MAX: variants seen among roughly 807,000 people sequenced by gnomAD.
MAX encodes the protein protein max.
In MAX, 3 loss-of-function variants were observed where a neutral mutation model predicts 22.3. That is an observed-to-expected ratio of 0.13 (90% confidence interval 0.06 to 0.35). The LOEUF (loss-of-function observed/expected upper bound fraction) is 0.35, where lower values mean the gene tolerates loss of function less well. Ranked by LOEUF, MAX falls within the 10% of genes least tolerant of loss-of-function variation. The pLI is 1.00. For synonymous variants in MAX, 72 were observed against 77.7 expected, an observed-to-expected ratio of 0.93 and a Z score of 0.39; for missense variants, 119 against 209.4, an observed-to-expected ratio of 0.57 and a Z score of 2.66.
rs1566591843 is a variant in MAX, at chr14:65,069,980, G to T, written c.171+23728C>A. Among the ~76,000 whole-genome samples the T allele has an allele frequency of 6.6e-6, 1 of 152,198 alleles. No individual in the cohort carries two copies. The highest frequency in any genetic ancestry group is 1.5e-5 in the Non-Finnish European group (1 of 68,032). On this transcript the variant is annotated intron_variant, in intron 3 of 3. Coordinates refer to the MAX transcript ENST00000341653. This position sits in a 1 kb window ranked among gnomAD's most constrained non-coding sequence, Gnocchi z 4.6. ...TGTTGGCCACTGTCCTTTAGCCCAA[G>T]ATCTGCCCCTGCCACCCCAGAGCTG...
At position 65,075,971 on chromosome 14, in the gene MAX, A is replaced by C. The variant is rs1056683944; in HGVS notation, c.*505T>G. The stretch of plus-strand genomic sequence containing the variant: ...GCTTTTTAGAAAAAGGAAAAAAAAA[A>C]AACCCTTAAAAAGGAGGAGGGTTCA... On this transcript the variant is annotated 3_prime_UTR_variant, in exon 5 of 5. Transcript: ENST00000358664. This position sits in a 1 kb window ranked among gnomAD's most constrained non-coding sequence, Gnocchi z 4.1. 1.9e-6 allele frequency: 2 copies of C among 1,076,738 alleles called. No homozygotes were observed. Among genetic ancestry groups the C allele is most frequent in the African/African-American group, 3.3e-5 (2 of 61,262 alleles). The allele number at this position is 1,076,738 out of a possible 1,614,324, so 66.7% of individuals were successfully genotyped here. A position where few individuals can be genotyped will look rare whatever the true frequency, so the allele number is the denominator to read the frequency against.
chr14:65,040,259 G>A (rs1024798472), intron 3 of MAX, among the ~76,000 whole-genome samples: 2 of 144,988 alleles, frequency 1.4e-5, no homozygotes, highest in Admixed American at 6.9e-5. Context: ...ATATATATAT[G>A]TATATATATG....
At chr14:65,075,062 C>G (rs2063024819), downstream of MAX, 1 of 1,010,616 alleles carries the variant, frequency 9.9e-7, no homozygotes, top group Non-Finnish European at 1.2e-6. The surrounding 1 kb of genome is among the most constrained non-coding windows in gnomAD (Gnocchi z 4.1). Flanking sequence ...GCCCTAACAG[C>G]TTCCAGAGGG....
chr14:65,075,045 C>T (rs2063024612), downstream of MAX: 1 of 1,008,880 alleles, frequency 9.9e-7, no homozygotes, highest in Admixed American at 6.0e-5. This position sits in a 1 kb window ranked among gnomAD's most constrained non-coding sequence, Gnocchi z 4.1. Flanking sequence ...CTCAGACTTA[C>T]ATTGAGGCCC....
Position 65,062,717 on chromosome 14 carries a change from T to C in MAX, c.171+30991A>G, listed in dbSNP as rs888143090. ...AATGGTAGGAGCTACTAAAGGTTGC[T>C]CAGGGATCGTCAGTCTCCTGTGTGC... On this transcript the variant is annotated intron_variant, in intron 3 of 3. Coordinates refer to the MAX transcript ENST00000341653. The surrounding 1 kb of genome is among the most constrained non-coding windows in gnomAD (Gnocchi z 4.3). The C allele has an allele frequency of 1.3e-5, 2 of 152,690 alleles. No homozygotes were observed. Among genetic ancestry groups the C allele is most frequent in the African/African-American group, 4.8e-5 (2 of 41,460 alleles). The allele number at this position is 152,690 out of a possible 1,614,324, so 9.5% of individuals were successfully genotyped here. A position where few individuals can be genotyped will look rare whatever the true frequency, so the allele number is the denominator to read the frequency against.
intron 3 of MAX, among the ~76,000 whole-genome samples, chr14:65,006,463 C>T (rs187862645): frequency 2.6e-5 from 4 of 152,182 alleles, no homozygotes; most frequent in Non-Finnish European, 5.9e-5. Flanking sequence ...CTTGGGAGAA[C>T]GAGCTCTCTT....
Position 65,076,124 on chromosome 14 carries a change from A to G in MAX, c.*352T>C. The G allele has an allele frequency of 7.7e-7, 1 of 1,295,948 alleles. No individual in the cohort carries two copies. Among genetic ancestry groups the G allele is most frequent in the Non-Finnish European group, 9.8e-7 (1 of 1,020,240 alleles). 80.3% of individuals were successfully genotyped at this position (1,295,948 alleles called of 1,614,324 possible). A position where few individuals can be genotyped will look rare whatever the true frequency, so the allele number is the denominator to read the frequency against. Reference sequence around the variant, plus strand: ...GGCGTCCCCCGGGCATGTGCCCGGCAGGGCTGGAGGAGCTGGTAGGGTGGG... The same window carrying G: ...GGCGTCCCCCGGGCATGTGCCCGGCGGGGCTGGAGGAGCTGGTAGGGTGGG... On this transcript the variant is annotated 3_prime_UTR_variant, in exon 5 of 5. Coordinates refer to ENST00000358664, the MANE Select transcript of MAX (RefSeq NM_002382.5). This position sits in a 1 kb window ranked among gnomAD's most constrained non-coding sequence, Gnocchi z 6.6.
intron 3 of MAX, among the ~76,000 whole-genome samples, chr14:65,068,876 C>CCCATGATG (rs2139716941): frequency 6.6e-6 from 1 of 152,276 alleles, no homozygotes; most frequent in Non-Finnish European, 1.5e-5. Context: ...GACTTCATTG[C>CCCATGATG]TACCTTCTGT....
chr14:65,077,861 G>A lies in MAX; in HGVS notation c.295+52C>T, dbSNP rs2063101141. Reference sequence around the variant, plus strand: ...TCTGCAGGCCCAGGTGCCAAAGCCTGACCTGGCTGGAGCACAGCAGGGCCA... The same window carrying A: ...TCTGCAGGCCCAGGTGCCAAAGCCTAACCTGGCTGGAGCACAGCAGGGCCA... On this transcript the variant is annotated intron_variant, in intron 4 of 4. Transcript: ENST00000358664. This position sits in a 1 kb window ranked among gnomAD's most constrained non-coding sequence, Gnocchi z 6.3. The A allele has an allele frequency of 2.5e-6, 4 of 1,614,092 alleles. No homozygotes were observed. Among genetic ancestry groups the A allele is most frequent in the African/African-American group, 1.3e-5 (1 of 74,938 alleles).
At chr14:65,074,987 T>C, downstream of MAX, 4 of 844,464 alleles carry the variant, frequency 4.7e-6, no homozygotes, top group Non-Finnish European at 5.8e-6. Context: ...CTCTGGCTTA[T>C]GGCTGCTCCT....
At chr14:65,065,127 C>T in intron 3 of MAX, among the ~76,000 whole-genome samples, 1 of 110,862 alleles carries the variant, frequency 9.0e-6, no homozygotes, top group South Asian at 2.9e-4. Flanking sequence ...ACGTCGTGGA[C>T]ACTGTATGAC....
downstream of MAX, among the ~76,000 whole-genome samples, chr14:65,072,732 A>C (rs1216970727): frequency 2.0e-5 from 3 of 152,226 alleles, no homozygotes; most frequent in African/African-American, 7.2e-5. Context: ...CTGGGCCTCC[A>C]AAAGTGTCCA....
chr14:65,054,799 C>T lies in MAX; in HGVS notation c.171+38909G>A, dbSNP rs2062694107. On this transcript the variant is annotated intron_variant, in intron 3 of 3. Coordinates refer to the MAX transcript ENST00000341653. The surrounding 1 kb of genome is among the most constrained non-coding windows in gnomAD (Gnocchi z 4.4). ...CATTTCCTGTGTGGACAGGCGGAAG[C>T]TTGTGGTCCCTCTGCCCTTCGAGCT... 1.8e-5 allele frequency: 22 copies of T among 1,205,134 alleles called. No individual in the cohort carries two copies. The South Asian group carries it at 3.1e-4, about 17-fold the overall frequency. The allele number at this position is 1,205,134 out of a possible 1,614,324, so 74.7% of individuals were successfully genotyped here.
intron 3 of MAX, among the ~76,000 whole-genome samples, chr14:65,033,754 A>G (rs958377934): frequency 4.1e-4 from 62 of 152,176 alleles, no homozygotes; most frequent in African/African-American, 1.5e-3. Context: ...CTACTCGGGA[A>G]GCTGAGGCAG....
rs117920206 is a variant in MAX at position 65,055,243 on chromosome 14, G to T, written c.171+38465C>A. 4.7e-3 allele frequency among the ~76,000 whole-genome samples: 711 copies of T among 152,320 alleles called. 4 individuals carry two copies. The highest frequency in any genetic ancestry group is 6.9e-3 in the Non-Finnish European group (470 of 68,030). On this transcript the variant is annotated intron_variant, in intron 3 of 3. Coordinates refer to the MAX transcript ENST00000341653. ...AAAAACAATAGCCCTATGAGGGCAG[G>T]ATGCTCACTGCTGCAGCCAGCTGAG... is the stretch of plus-strand genomic sequence containing the variant.
At chr14:65,058,475 T>A (rs1292028094) in intron 3 of MAX, among the ~76,000 whole-genome samples, 1 of 152,224 alleles carries the variant, frequency 6.6e-6, no homozygotes, top group Non-Finnish European at 1.5e-5. Context: ...CTTGTATTGT[T>A]GGGTAAGATC....
Position 65,032,576 on chromosome 14 carries a change from GAGCTT to G in MAX, c.172-26297_172-26293del, listed in dbSNP as rs748807418. ...ACTGAGCCTCATTAGCTCTTCCGTA[GAGCTT>G]AATGTGTTTCCCGTTTCTGTCTTTC... On this transcript the variant is annotated intron_variant, in intron 3 of 3. Coordinates refer to the MAX transcript ENST00000341653. This position sits in a 1 kb window ranked among gnomAD's most constrained non-coding sequence, Gnocchi z 5.0. The G allele has an allele frequency of 5.2e-5, 83 of 1,609,568 alleles. No homozygotes were observed. The highest frequency in any genetic ancestry group is 7.0e-5 in the Non-Finnish European group (82 of 1,178,980).
Position 65,054,647 on chromosome 14 carries a change from C to A in MAX, c.171+39061G>T. ...TAGCCCAGCACTTCGGCAGCGGAGC[C>A]ATGTTGCATGATGTGGTCCTGGGTG... On this transcript the variant is annotated intron_variant, in intron 3 of 3. Transcript: ENST00000341653. The surrounding 1 kb of genome is among the most constrained non-coding windows in gnomAD (Gnocchi z 4.4). 6.2e-7 allele frequency: 1 copy of A among 1,613,568 alleles called. No individual in the cohort carries two copies. The highest frequency in any genetic ancestry group is 8.5e-7 in the Non-Finnish European group (1 of 1,179,800).
intron 3 of MAX, among the ~76,000 whole-genome samples, chr14:65,080,993 G>C (rs2063184887): frequency 6.6e-6 from 1 of 152,340 alleles, no homozygotes; most frequent in Admixed American, 6.5e-5. Context: ...ATCTGTGAGG[G>C]ATGGCAGTTT....
Sources: gnomAD v4.1 joint callset for allele counts (sites outside exome capture counted in the v4.1 genomes callset) on GRCh38, gnomAD v4.1.1 for gene constraint, Gnocchi (gnomAD v3.1) non-coding constraint, MANE v1.5 for transcripts, NCBI Gene and HGNC (gene_info 2026-07-23, HGNC 2026-07-21) for gene names.